SULT1B1: variants seen among roughly 807,000 people sequenced by gnomAD.
SULT1B1 encodes sulfotransferase 1B1.
In SULT1B1, 28 loss-of-function variants were observed where a neutral mutation model predicts 34.6. The observed-to-expected ratio is 0.81, with a 90% CI of 0.60 to 1.11. SULT1B1 has a LOEUF of 1.11. Ranked by LOEUF, SULT1B1 falls within the 50% of genes least tolerant of loss-of-function variation. SULT1B1 has a pLI of 0.00. For synonymous variants in SULT1B1, 147 were observed against 110.2 expected (o/e 1.33, Z -2.09); for missense variants, 374 against 352.2 (o/e 1.06, Z -0.50).
At chr4:69,757,351 G>A (rs766078423) in intron 1 of SULT1B1, among the ~76,000 whole-genome samples, 1 of 152,092 alleles carries the variant, frequency 6.6e-6, no homozygotes, top group African/African-American at 2.4e-5. Flanking sequence ...TAACTTTAAA[G>A]ATTGCCAATC....
At chr4:69,758,342 C>T (rs1469006144) in intron 1 of SULT1B1, 1 of 985,362 alleles carries the variant, frequency 1.0e-6, no homozygotes, top group Non-Finnish European at 1.2e-6. Context: ...TGCCCCTTCT[C>T]AGTTTGGATA....
chr4:69,750,454 T>G (rs955076392), intron 3 of SULT1B1, among the ~76,000 whole-genome samples: 1 of 152,168 alleles, frequency 6.6e-6, no homozygotes, highest in Non-Finnish European at 1.5e-5. Flanking sequence ...GGTCTTAAGA[T>G]AGATGATACA....
At chr4:69,729,219 T>C (rs923283016) in intron 7 of SULT1B1, among the ~76,000 whole-genome samples, 4 of 152,114 alleles carry the variant, frequency 2.6e-5, no homozygotes, top group African/African-American at 9.6e-5. Context: ...AACTGACCCT[T>C]GAACAATACA....
At chr4:69,733,934 T>C (rs1233327142) in intron 5 of SULT1B1, among the ~76,000 whole-genome samples, 1 of 152,186 alleles carries the variant, frequency 6.6e-6, no homozygotes, top group Non-Finnish European at 1.5e-5. Flanking sequence ...AGAATACTTT[T>C]GTATGCCAAT....
chr4:69,738,255 T>G (rs78527278), intron 4 of SULT1B1, among the ~76,000 whole-genome samples: 1,638 of 152,318 alleles, frequency 0.011, 11 homozygotes, highest in Non-Finnish European at 0.017. Flanking sequence ...CTTTATGTGC[T>G]CCACCATTAA....
intron 4 of SULT1B1, among the ~76,000 whole-genome samples, 185 bp from the exon 5 acceptor site, chr4:69,734,449 C>T (rs116091325): frequency 0.018 from 2,767 of 152,218 alleles, 83 homozygotes; most frequent in African/African-American, 0.064. Context: ...TACAGCAATG[C>T]ATTTTTGAGA....
chr4:69,746,801 G>A (rs1718765783), intron 4 of SULT1B1, among the ~76,000 whole-genome samples: 1 of 152,156 alleles, frequency 6.6e-6, no homozygotes, highest in African/African-American at 2.4e-5. Context: ...TTCTTGAGCT[G>A]TTTCTTTCTC....
In SULT1B1 at chr4:69,727,829, A is replaced by G. The variant is rs3756139; in HGVS notation, c.779-629T>C. The stretch of plus-strand genomic sequence containing the variant: ...TTTAAAGTAAATCTTTGAGGATAAA[A>G]ATTTAAATTTAGTCTCTCATACTTG... On this transcript the variant is annotated intron_variant, in intron 7 of 7. Transcript: ENST00000310613. Among the ~76,000 whole-genome samples, 30 of 152,066 alleles carry G rather than the reference A, an allele frequency of 2.0e-4. No individual in the cohort carries two copies. In the East Asian group the frequency reaches 5.4e-3, roughly 27 times the overall value.
At chr4:69,744,427 G>A (rs1371302531) in intron 4 of SULT1B1, among the ~76,000 whole-genome samples, 1 of 151,758 alleles carries the variant, frequency 6.6e-6, no homozygotes, top group Non-Finnish European at 1.5e-5. Context: ...TGGGGCACAG[G>A]GGTCCCACTG....
chr4:69,730,604 G>A lies in SULT1B1; in HGVS notation c.675C>T (p.Ile225=), dbSNP rs1718039312. ...TCATCACTTCAAATGAGGTGTGATG[G>A]ATGATCCTATCCAAGATCTCATCAT... ...NLNDEILDRI[I]HHTSFEVMKD... Residue 225 remains isoleucine, a synonymous_variant, in exon 7 of 8, where the codon ATC becomes ATT. Coordinates refer to ENST00000310613, the MANE Select transcript of SULT1B1 (RefSeq NM_014465.4). 1.9e-6 allele frequency: 3 copies of A among 1,613,236 alleles called. No individual in the cohort carries two copies. Among genetic ancestry groups the A allele is most frequent in the Middle Eastern group, 1.7e-4 (1 of 6,024 alleles).
chr4:69,758,039 C>T (rs554920505), intron 1 of SULT1B1, among the ~76,000 whole-genome samples: 93 of 152,240 alleles, frequency 6.1e-4, no homozygotes, highest in African/African-American at 2.1e-3. Flanking sequence ...CTCAGTTATC[C>T]TCCATTTCCA....
chr4:69,744,151 C>A (rs1397047782), intron 4 of SULT1B1, among the ~76,000 whole-genome samples: 4 of 152,180 alleles, frequency 2.6e-5, no homozygotes, highest in Middle Eastern at 3.2e-3. Flanking sequence ...CCATGTCTAA[C>A]CACGCTGCTC....
At position 69,726,077 on chromosome 4, in the gene SULT1B1, TATATAA is replaced by T. The variant is rs1376826404; in HGVS notation, c.*1005_*1010del. 1.4e-4 allele frequency: 16 copies of T among 112,710 alleles called. No homozygotes were observed. Among genetic ancestry groups the T allele is most frequent in the African/African-American group, 4.7e-4 (13 of 27,786 alleles). The allele number at this position is 112,710 out of a possible 1,614,324, so 7.0% of individuals were successfully genotyped here. On this transcript the variant is annotated 3_prime_UTR_variant, in exon 8 of 8. Transcript: ENST00000310613. ...ATATATATATATATATATATATATA[TATATAA>T]ATGTTCCAAGAAAACATAGATCAGA...
intron 6 of SULT1B1, among the ~76,000 whole-genome samples, chr4:69,730,960 T>G (rs2110017332): frequency 6.6e-6 from 1 of 152,216 alleles, no homozygotes; most frequent in Middle Eastern, 3.4e-3. Flanking sequence ...GACATGATGA[T>G]AGTAGAGAGA....
chr4:69,743,798 T>TTG (rs1018624167), intron 4 of SULT1B1, among the ~76,000 whole-genome samples: 2 of 152,014 alleles, frequency 1.3e-5, no homozygotes, highest in Non-Finnish European at 2.9e-5. Flanking sequence ...TGATCCGAGA[T>TTG]TGGAGTGTGT....
intron 6 of SULT1B1, among the ~76,000 whole-genome samples, chr4:69,732,263 G>A (rs1049249369): frequency 6.6e-6 from 1 of 152,186 alleles, no homozygotes; most frequent in African/African-American, 2.4e-5. Context: ...CTGTGATGGA[G>A]AATGAATACT....
At chr4:69,751,960 C>A (rs148880991) in intron 3 of SULT1B1, among the ~76,000 whole-genome samples, 41 of 152,306 alleles carry the variant, frequency 2.7e-4, no homozygotes, top group African/African-American at 9.4e-4. Context: ...CCCTCTTGAA[C>A]TCATTTTGGT....
intron 1 of SULT1B1, among the ~76,000 whole-genome samples, chr4:69,758,864 C>G (rs1210629300): frequency 2.0e-5 from 3 of 152,048 alleles, no homozygotes; most frequent in African/African-American, 4.8e-5. Flanking sequence ...AATTGATTTA[C>G]AGTTTCTATT....
In SULT1B1 at chr4:69,724,805, A is replaced by G. The variant is rs1343636864; in HGVS notation, c.*2283T>C. 2.0e-5 allele frequency: 3 copies of G among 152,236 alleles called. No individual in the cohort carries two copies. Among genetic ancestry groups the G allele is most frequent in the African/African-American group, 7.2e-5 (3 of 41,448 alleles). The allele number at this position is 152,236 out of a possible 1,614,324, so 9.4% of individuals were successfully genotyped here. ...CTATTTAATAAATGGTGCTGGGAAA[A>G]CTGGCTAGCCATATGTAGAAAGCAG... is the stretch of plus-strand genomic sequence containing the variant. On this transcript the variant is annotated 3_prime_UTR_variant, in exon 8 of 8. Transcript: ENST00000310613.
Sources: gnomAD v4.1 joint callset for allele counts (sites outside exome capture counted in the v4.1 genomes callset) on GRCh38, gnomAD v4.1.1 for gene constraint, MANE v1.5 for transcripts, NCBI Gene and HGNC (gene_info 2026-07-23, HGNC 2026-07-21) for gene names.